Variants in EVA1A observed in about 807,000 individuals in gnomAD.
EVA1A encodes protein eva-1 homolog A.
A neutral mutation model predicts 9.8 loss-of-function variants in EVA1A; 7 were observed. The observed-to-expected ratio is 0.71, with a 90% confidence interval of 0.41 to 1.34. The LOEUF (loss-of-function observed/expected upper bound fraction) is 1.34, where lower values mean the gene tolerates loss of function less well. Ranked by LOEUF, EVA1A falls within the 40% of genes most tolerant of loss-of-function variation. The pLI is 0.01. For missense variants in EVA1A, 206 were observed against 205.9 expected (o/e 1.00, Z 0.00); for synonymous variants, 90 against 85.6 (o/e 1.05, Z -0.28).
chr2:75,531,026 T>C (rs911667925), intron 1 of EVA1A, among the ~76,000 whole-genome samples: 1 of 152,176 alleles, frequency 6.6e-6, no homozygotes, highest in Non-Finnish European at 1.5e-5. Flanking sequence ...AAAAAGCTCC[T>C]AGAACTGATA....
At chr2:75,566,640 C>T (rs907565621) in intron 1 of EVA1A, among the ~76,000 whole-genome samples, 2 of 152,194 alleles carry the variant, frequency 1.3e-5, no homozygotes, top group Non-Finnish European at 2.9e-5. Flanking sequence ...TATTTCCTCA[C>T]AGGCCCTAGT....
At chr2:75,550,906 G>A (rs532305345) in intron 1 of EVA1A, among the ~76,000 whole-genome samples, 1 of 152,260 alleles carries the variant, frequency 6.6e-6, no homozygotes, top group East Asian at 1.9e-4. Context: ...GGCAGATCAC[G>A]AAGTCAGGAG....
chr2:75,562,809 T>C (rs2104002568), upstream of EVA1A, among the ~76,000 whole-genome samples: 1 of 152,350 alleles, frequency 6.6e-6, no homozygotes, highest in Non-Finnish European at 1.5e-5. Flanking sequence ...CACAGCCCTG[T>C]ACGAATATCA....
intron 1 of EVA1A, among the ~76,000 whole-genome samples, chr2:75,559,719 G>T (rs531108268): frequency 6.8e-6 from 1 of 146,162 alleles, no homozygotes; most frequent in East Asian, 2.1e-4. Flanking sequence ...GGGGGAGTTG[G>T]GGGGACGGTT....
rs779694053 is a variant in EVA1A, at chr2:75,493,317, C to T, written c.378G>A (p.Glu126=). 2 of 1,614,152 alleles carry T rather than the reference C, an allele frequency of 1.2e-6. No individual in the cohort carries two copies. The highest frequency in any genetic ancestry group is 1.7e-6 in the Non-Finnish European group (2 of 1,179,994). The change falls in exon 4 of 4, where the codon GAG becomes GAA. Residue 126 remains glutamate (E), a synonymous_variant. Coordinates refer to ENST00000393913, the MANE Select transcript of EVA1A (RefSeq NM_001135032.2). ...EELERAQRLE[E]RERIIREIWM... Reference sequence around the variant, plus strand: ...AGATCTCCCTGATGATGCGCTCGCGCTCCTCCAGCCGCTGGGCGCGCTCCA... The same window carrying T: ...AGATCTCCCTGATGATGCGCTCGCGTTCCTCCAGCCGCTGGGCGCGCTCCA...
chr2:75,518,179 A>G lies in EVA1A; in HGVS notation c.-39T>C. The G allele has an allele frequency of 6.2e-7, 1 of 1,605,646 alleles. No individual in the cohort carries two copies. Among genetic ancestry groups the G allele is most frequent in the Non-Finnish European group, 8.5e-7 (1 of 1,177,164 alleles). ...GGGACCTCCTGGAGGTGCTTGGCTG[A>G]ATCAACGTGGCCACTCTCCTTCTTC... On this transcript the variant is annotated 5_prime_UTR_variant, in exon 3 of 4. Coordinates refer to ENST00000393913, the MANE Select transcript of EVA1A (RefSeq NM_001135032.2).
upstream of EVA1A, chr2:75,561,427 G>A (rs915509616): frequency 6.7e-6 from 1 of 148,512 alleles, no homozygotes; most frequent in Admixed American, 6.7e-5. Context: ...GCATAATCTC[G>A]AAGGAATGTT....
intron 1 of EVA1A, among the ~76,000 whole-genome samples, chr2:75,534,730 C>CT (rs1316817773): frequency 2.6e-5 from 4 of 152,190 alleles, no homozygotes; most frequent in Middle Eastern, 6.8e-3. Context: ...GTTAATATTT[C>CT]TTTTTTTCTG....
intron 3 of EVA1A, chr2:75,517,809 TC>T: frequency 1.4e-6 from 1 of 721,024 alleles, no homozygotes. Context: ...CTTCAATCAC[TC>T]ACTTGAGCAG....
intron 1 of EVA1A, among the ~76,000 whole-genome samples, chr2:75,560,411 G>C (rs1425957594): frequency 6.6e-6 from 1 of 152,140 alleles, no homozygotes; most frequent in African/African-American, 2.4e-5. Flanking sequence ...AGGGAGTTGA[G>C]AGTTGTTCTA....
intron 1 of EVA1A, among the ~76,000 whole-genome samples, chr2:75,531,902 G>A (rs1327359659): frequency 2.6e-5 from 4 of 152,172 alleles, no homozygotes; most frequent in African/African-American, 9.7e-5. Context: ...GCTCACGCCT[G>A]TAATCCCAGC....
intron 1 of EVA1A, among the ~76,000 whole-genome samples, chr2:75,528,650 C>G (rs1675538699): frequency 6.6e-6 from 1 of 152,206 alleles, no homozygotes; most frequent in Non-Finnish European, 1.5e-5. Context: ...TCAGACACAC[C>G]TAGCCCTACT....
intron 1 of EVA1A, among the ~76,000 whole-genome samples, chr2:75,555,338 C>CTCTCTCTCTCTCTCT (rs1553421964): frequency 3.0e-4 from 12 of 40,224 alleles, no homozygotes; most frequent in African/African-American, 8.8e-4. Flanking sequence ...TCTCTCTCTC[C>CTCTCTCTCTCTCTCT]CCCATCTCCC....
chr2:75,508,841 G>T (rs1376601644), intron 3 of EVA1A, among the ~76,000 whole-genome samples: 1 of 151,996 alleles, frequency 6.6e-6, no homozygotes, highest in African/African-American at 2.4e-5. Flanking sequence ...TCTCAAGCTG[G>T]CGGACGCTTA....
chr2:75,507,474 C>G (rs1258569712), intron 3 of EVA1A, among the ~76,000 whole-genome samples: 1 of 152,144 alleles, frequency 6.6e-6, no homozygotes, highest in Non-Finnish European at 1.5e-5. Flanking sequence ...ATGACTTTGC[C>G]CCTTTCAGTG....
intron 1 of EVA1A, among the ~76,000 whole-genome samples, chr2:75,529,424 G>T (rs1177190677): frequency 2.6e-5 from 4 of 152,112 alleles, no homozygotes; most frequent in African/African-American, 4.8e-5. Flanking sequence ...AGAATATTCT[G>T]CCCAACAACA....
chr2:75,537,952 C>A (rs1042308749), intron 1 of EVA1A, among the ~76,000 whole-genome samples: 5 of 152,136 alleles, frequency 3.3e-5, no homozygotes, highest in Non-Finnish European at 7.4e-5. Context: ...TATTACCCAG[C>A]CTCAGATGTT....
At chr2:75,553,687 T>A (rs1676603452) in intron 1 of EVA1A, among the ~76,000 whole-genome samples, 1 of 152,216 alleles carries the variant, frequency 6.6e-6, no homozygotes, top group Non-Finnish European at 1.5e-5. Context: ...TCAGACTAAA[T>A]GTCCAGTCAT....
At chr2:75,555,336 T>TCCCTCTCTCTCTCC (rs1676672338) in intron 1 of EVA1A, among the ~76,000 whole-genome samples, 2 of 102,744 alleles carry the variant, frequency 1.9e-5, no homozygotes, top group Non-Finnish European at 4.4e-5. Flanking sequence ...TCTCTCTCTC[T>TCCCTCTCTCTCTCC]CCCCCATCTC....
Sources: allele counts gnomAD v4.1 joint callset (sites outside exome capture counted in the v4.1 genomes callset), GRCh38; gene constraint gnomAD v4.1.1; transcripts MANE v1.5; gene names NCBI Gene and HGNC (gene_info 2026-07-23, HGNC 2026-07-21).